The following MUC5AC variants were observed in gnomAD, a reference collection of about 807,000 sequenced individuals.
MUC5AC encodes mucin 5AC, oligomeric mucus/gel-forming.
A neutral mutation model predicts 169.7 loss-of-function variants in MUC5AC; 158 were observed. The ratio of observed to expected loss-of-function variants is 0.93; its 90% confidence interval spans 0.82 to 1.06. The LOEUF is 1.06. Among genes scored for constraint, MUC5AC ranks in the 50% least tolerant of loss-of-function variants. MUC5AC has a pLI of 0.00. For synonymous variants in MUC5AC, 1,975 were observed against 1,237.0 expected (o/e 1.60, Z -12.52); for missense variants, 4,359 against 3,089.9 (o/e 1.41, Z -9.74).
Position 1,191,496 on chromosome 11 carries a change from T to A in MUC5AC, c.13351T>A (p.Ser4451Thr). The A allele has an allele frequency of 1.6e-6, 1 of 643,434 alleles. No individual in the cohort carries two copies. The highest frequency in any genetic ancestry group is 1.7e-5 in the South Asian group (1 of 57,378). The allele number at this position is 643,434 out of a possible 1,614,324, so 39.9% of individuals were successfully genotyped here. A position where few individuals can be genotyped will look rare whatever the true frequency, so the allele number is the denominator to read the frequency against. ...PSPVPTTSTT[S>T]ASTTSTISLP... The stretch of plus-strand genomic sequence containing the variant: ...CCCTGTTCCCACCACAAGCACAACC[T>A]CTGCTTCTACAACCAGCACAATCTC... The change falls in exon 31 of 49, where the codon TCT (serine) becomes ACT (threonine). Residue 4451 changes from serine to threonine, a missense_variant. By Grantham distance (58) the Ser-to-Thr change is moderately conservative. Transcript: ENST00000621226.
In MUC5AC at chr11:1,188,509, C is replaced by A; in HGVS notation, c.10364C>A (p.Thr3455Asn). The change falls in exon 31 of 49, where the codon ACC becomes AAC. Residue 3455 changes from threonine (T) to asparagine (N), a missense_variant. By Grantham distance (65) the Thr-to-Asn change is moderately conservative. Transcript: ENST00000621226. ...STTSATTTST[T>N]SAPTSSTTST... ...ACCTCTGCTACTACAACCAGCACAA[C>A]CTCTGCCCCTACAAGCAGCACAACC... 3 of 723,174 alleles carry A rather than the reference C, an allele frequency of 4.1e-6. No homozygotes were observed. Among genetic ancestry groups the A allele is most frequent in the Admixed American group, 1.9e-5 (1 of 52,864 alleles). 44.8% of individuals were successfully genotyped at this position (723,174 alleles called of 1,614,324 possible).
chr11:1,180,428 A>G lies in MUC5AC; in HGVS notation c.3688A>G (p.Thr1230Ala), dbSNP rs1860789056. Residue 1230 changes from threonine (T) to alanine (A), a missense_variant, in exon 28 of 49, where the codon ACC becomes GCC. By Grantham distance (58) the Thr-to-Ala change is moderately conservative. Coordinates refer to ENST00000621226, the MANE Select transcript of MUC5AC (RefSeq NM_001304359.2). ...DKMQCVATCP[T>A]PPLPPRCHVH... is the part of the protein sequence containing the mutation. ...GATGCAGTGTGTGGCCACCTGCCCA[A>G]CCCCGCCTCTGCCACCACGGTGCCA... 2 of 398,160 alleles carry G rather than the reference A, an allele frequency of 5.0e-6. No homozygotes were observed. The highest frequency in any genetic ancestry group is 8.9e-6 in the Non-Finnish European group (2 of 225,898). The allele number at this position is 398,160 out of a possible 1,614,324, so 24.7% of individuals were successfully genotyped here.
Position 1,181,024 on chromosome 11 carries a change from AGG to A in MUC5AC, c.3777-113_3777-112del, listed in dbSNP as rs1860805113. The stretch of plus-strand genomic sequence containing the variant: ...AGTCTGGGGGTGCAATGCAGTTCCC[AGG>A]GAACTCCACCCCTGTCGGAGCTGCT... On this transcript the variant is annotated intron_variant, in intron 28 of 48. Coordinates refer to ENST00000621226, the MANE Select transcript of MUC5AC (RefSeq NM_001304359.2). 1.3e-3 allele frequency: 499 copies of A among 398,292 alleles called. 2 individuals carry two copies. The highest frequency in any genetic ancestry group is 9.2e-3 in the African/African-American group (446 of 48,728). The allele number at this position is 398,292 out of a possible 1,614,324, so 24.7% of individuals were successfully genotyped here. A position where few individuals can be genotyped will look rare whatever the true frequency, so the allele number is the denominator to read the frequency against.
intron 15 of MUC5AC, 54 bp downstream of exon 15, chr11:1,169,080 G>A (rs970899326): frequency 1.3e-5 from 19 of 1,490,094 alleles, no homozygotes; most frequent in African/African-American, 4.2e-5. Flanking sequence ...TGGTTCACCC[G>A]CTTCCATTTG....
rs1861020425 is a variant in MUC5AC at position 1,189,050 on chromosome 11, C to A, written c.10905C>A (p.Ser3635Arg). ...PVTSTSVTAP[S>R]TPSGRATSPT... Reference sequence around the variant, plus strand: ...CCTCCACATCTGTGACAGCTCCTAGCACCCCTAGTGGGAGAGCCACCAGCC... The same window carrying A: ...CCTCCACATCTGTGACAGCTCCTAGAACCCCTAGTGGGAGAGCCACCAGCC... Residue 3635 changes from serine (S) to arginine (R), a missense_variant, in exon 31 of 49, where the codon AGC (serine) becomes AGA (arginine). Physicochemically the swap from Ser to Arg is moderately radical, Grantham distance 110. Coordinates refer to ENST00000621226, the MANE Select transcript of MUC5AC (RefSeq NM_001304359.2). The A allele has an allele frequency of 1.2e-5, 8 of 654,414 alleles. No individual in the cohort carries two copies. Among genetic ancestry groups the A allele is most frequent in the Non-Finnish European group, 1.9e-5 (7 of 363,380 alleles). 40.5% of individuals were successfully genotyped at this position (654,414 alleles called of 1,614,324 possible). A position where few individuals can be genotyped will look rare whatever the true frequency, so the allele number is the denominator to read the frequency against.
In MUC5AC at chr11:1,162,054, T is replaced by C; in HGVS notation, c.359T>C (p.Ile120Thr). 6.2e-7 allele frequency: 1 copy of C among 1,612,562 alleles called. No homozygotes were observed. Among genetic ancestry groups the C allele is most frequent in the African/African-American group, 1.3e-5 (1 of 75,040 alleles). ...HCGAAYEDFN[I>T]QLRRSQESAA... ...GGTGCCGCCTACGAGGATTTTAACA[T>C]CCAGCTACGCCGCAGCCAGGAGTCA... Residue 120 changes from isoleucine to threonine, a missense_variant, in exon 4 of 49, where the codon ATC becomes ACC. Coordinates refer to ENST00000621226, the MANE Select transcript of MUC5AC (RefSeq NM_001304359.2).
intron 28 of MUC5AC, among the ~76,000 whole-genome samples, chr11:1,180,796 G>T (rs1449173658): frequency 6.6e-6 from 1 of 152,160 alleles, no homozygotes; most frequent in Non-Finnish European, 1.5e-5. Context: ...TCAGGGGGCG[G>T]CAGGGGGAAG....
chr11:1,169,895 G>T (rs1220331526), intron 15 of MUC5AC, among the ~76,000 whole-genome samples: 2 of 37,690 alleles, frequency 5.3e-5, no homozygotes, highest in African/African-American at 2.2e-4. Flanking sequence ...CCCACTCACC[G>T]ACTCAACCAT....
intron 47 of MUC5AC, 34 bp from the exon 48 acceptor site, chr11:1,199,821 C>G: frequency 1.3e-6 from 1 of 745,180 alleles, no homozygotes; most frequent in Non-Finnish European, 2.4e-6. Flanking sequence ...CTAGGAGCAG[C>G]TGGGCTGGTC....
Position 1,196,024 on chromosome 11 carries a change from G to C in MUC5AC, c.15607G>C (p.Asp5203His), listed in dbSNP as rs746859500. Residue 5203 changes from aspartate to histidine, a missense_variant, in exon 37 of 49, where the codon GAT becomes CAT. Asp to His is a moderately conservative substitution (Grantham distance 81). Transcript: ENST00000621226. ...ALCASHDICI[D>H]WRGRTGHMCP... The stretch of plus-strand genomic sequence containing the variant: ...CTGTGCGTCCCACGACATCTGCATC[G>C]ATTGGAGAGGCCGGACCGGCCACAT... 4.4e-5 allele frequency: 34 copies of C among 764,722 alleles called. No individual in the cohort carries two copies. Among genetic ancestry groups the C allele is most frequent in the Non-Finnish European group, 7.7e-5 (32 of 417,758 alleles). The allele number at this position is 764,722 out of a possible 1,614,324, so 47.4% of individuals were successfully genotyped here.
At chr11:1,195,360 G>A (rs570575499) in intron 36 of MUC5AC, 81 bp downstream of exon 36, 8 of 708,366 alleles carry the variant, frequency 1.1e-5, no homozygotes, top group East Asian at 2.5e-5. Flanking sequence ...GGGAAGAAGC[G>A]CATTTTCAGG....
chr11:1,164,744 G>C (rs1337873057), intron 9 of MUC5AC, among the ~76,000 whole-genome samples: 4 of 150,056 alleles, frequency 2.7e-5, no homozygotes, highest in Non-Finnish European at 1.5e-5. Flanking sequence ...GGCCCCTAAG[G>C]CTGGTTGAGA....
At chr11:1,161,808 C>T in intron 3 of MUC5AC, 99 bp from the exon 4 acceptor site, 1 of 1,486,254 alleles carries the variant, frequency 6.7e-7, no homozygotes, top group Admixed American at 2.1e-5. Flanking sequence ...GCACTTCCTG[C>T]AGGACCCTGG....
rs1229530904 is a variant in MUC5AC at position 1,192,216 on chromosome 11, C to T, written c.14071C>T (p.Gln4691Ter). ...HPEVNIEHLGQVVQCSREEGL... is the reference protein window; with the variant it reads ...HPEVNIEHLG ...GGAGGTGAACATTGAACACCTGGGT[C>T]AGGTGGTGCAGTGCAGCCGTGAAGA... is the stretch of plus-strand genomic sequence containing the variant. The change falls in exon 31 of 49, where the codon CAG becomes TAG. Residue 4691 changes from glutamine to a stop codon, truncating the protein, a stop_gained. Transcript: ENST00000621226. LOFTEE classifies it high-confidence loss of function. The T allele has an allele frequency of 1.3e-6, 1 of 765,094 alleles. No homozygotes were observed. The highest frequency in any genetic ancestry group is 2.4e-6 in the Non-Finnish European group (1 of 417,898). The allele number at this position is 765,094 out of a possible 1,614,324, so 47.4% of individuals were successfully genotyped here. A position where few individuals can be genotyped will look rare whatever the true frequency, so the allele number is the denominator to read the frequency against.
chr11:1,184,837 G>A lies in MUC5AC; in HGVS notation c.6692G>A (p.Ser2231Asn). The A allele has an allele frequency of 1.6e-6, 1 of 639,598 alleles. No homozygotes were observed. Among genetic ancestry groups the A allele is most frequent in the Non-Finnish European group, 2.8e-6 (1 of 357,416 alleles). The allele number at this position is 639,598 out of a possible 1,614,324, so 39.6% of individuals were successfully genotyped here. A position where few individuals can be genotyped will look rare whatever the true frequency, so the allele number is the denominator to read the frequency against. ...ACCTCCACACCTGTGACAGCTCCTA[G>A]CACCCCTAGTGGGAGAGCCACCAGC... ...PVTSTPVTAPSTPSGRATSPT... is the reference protein window; with the variant it reads ...PVTSTPVTAPNTPSGRATSPT... The change falls in exon 31 of 49, where the codon AGC becomes AAC. Residue 2231 changes from serine to asparagine, a missense_variant. By Grantham distance (46) the Ser-to-Asn change is conservative. Transcript: ENST00000621226.
At position 1,165,432 on chromosome 11, in the gene MUC5AC, C is replaced by G. The variant is rs543234808; in HGVS notation, c.1247+13C>G. Reference sequence around the variant, plus strand: ...ACTGCACCAACTGGTAGGTCCCAGCCCCCCTCCAGGCCACCAAGGATGTGC... The same window carrying G: ...ACTGCACCAACTGGTAGGTCCCAGCGCCCCTCCAGGCCACCAAGGATGTGC... On this transcript the variant is annotated intron_variant, in intron 10 of 48. Transcript: ENST00000621226. The G allele has an allele frequency of 1.4e-6, 2 of 1,465,158 alleles. No individual in the cohort carries two copies. Among genetic ancestry groups the G allele is most frequent in the East Asian group, 2.5e-5 (1 of 39,878 alleles). 90.8% of individuals were successfully genotyped at this position (1,465,158 alleles called of 1,614,324 possible). A position where few individuals can be genotyped will look rare whatever the true frequency, so the allele number is the denominator to read the frequency against.
In MUC5AC at chr11:1,197,916, C is replaced by CGG. The variant is rs1296058330; in HGVS notation, c.16047_16048insGG (p.Arg5350GlyfsTer130). The CGG allele has an allele frequency of 1.4e-6, 1 of 726,506 alleles. No individual in the cohort carries two copies. The highest frequency in any genetic ancestry group is 1.9e-5 in the Admixed American group (1 of 53,680). The allele number at this position is 726,506 out of a possible 1,614,324, so 45.0% of individuals were successfully genotyped here. ...CCGCCCCCGCAGCCTGCAACACCAG[C>CGG]CGCTGCCCCGCGCCCGTGGGCTGTC... On this transcript the variant is annotated frameshift_variant, in exon 42 of 49. Coordinates refer to ENST00000621226, the MANE Select transcript of MUC5AC (RefSeq NM_001304359.2). LOFTEE classifies it high-confidence loss of function.
In MUC5AC at chr11:1,191,503, C is replaced by A; in HGVS notation, c.13358C>A (p.Ser4453Tyr). 1.5e-6 allele frequency: 1 copy of A among 646,192 alleles called. No individual in the cohort carries two copies. The highest frequency in any genetic ancestry group is 2.8e-6 in the Non-Finnish European group (1 of 352,928). The allele number at this position is 646,192 out of a possible 1,614,324, so 40.0% of individuals were successfully genotyped here. Residue 4453 changes from serine (S) to tyrosine (Y), a missense_variant, in exon 31 of 49, where the codon TCT becomes TAT. Transcript: ENST00000621226. ...CCCACCACAAGCACAACCTCTGCTT[C>A]TACAACCAGCACAATCTCTCTCCCT... ...PVPTTSTTSA[S>Y]TTSTISLPTT...
chr11:1,186,080 C>G lies in MUC5AC; in HGVS notation c.7935C>G (p.Thr2645=). Residue 2645 remains threonine, a synonymous_variant, in exon 31 of 49, where the codon ACC becomes ACG. Coordinates refer to ENST00000621226, the MANE Select transcript of MUC5AC (RefSeq NM_001304359.2). ...TPSPVPTAST[T]SASTTSTTSG... The stretch of plus-strand genomic sequence containing the variant: ...GCCCTGTTCCTACCGCCAGCACAAC[C>G]TCTGCTTCTACAACTAGCACAACCT... The G allele has an allele frequency of 1.3e-6, 1 of 746,214 alleles. No homozygotes were observed. Among genetic ancestry groups the G allele is most frequent in the Non-Finnish European group, 2.4e-6 (1 of 408,472 alleles). 46.2% of individuals were successfully genotyped at this position (746,214 alleles called of 1,614,324 possible). A position where few individuals can be genotyped will look rare whatever the true frequency, so the allele number is the denominator to read the frequency against.
Sources: allele counts gnomAD v4.1 joint callset (sites outside exome capture counted in the v4.1 genomes callset), GRCh38; gene constraint gnomAD v4.1.1; transcripts MANE v1.5; gene names NCBI Gene and HGNC (gene_info 2026-07-23, HGNC 2026-07-21).